The following DNAH17 variants were observed in gnomAD, a reference collection of about 807,000 sequenced individuals.
DNAH17 encodes axonemal beta dynein heavy chain 17.
DNAH17 carries 376 observed loss-of-function variants against 485.6 expected under a neutral mutation model. The ratio of observed to expected loss-of-function variants is 0.77; its 90% CI spans 0.71 to 0.84. DNAH17 has a LOEUF of 0.84. DNAH17 is among the 40% of genes least tolerant of loss of function. The pLI, the probability that DNAH17 is intolerant of heterozygous loss-of-function variation, is 0.00. For synonymous variants in DNAH17, 3,031 were observed against 2,405.9 expected (o/e 1.26, Z -7.60); for missense variants, 6,370 against 5,839.3 (o/e 1.09, Z -2.96).
chr17:78,570,019 T>TC (rs1425925110), intron 7 of DNAH17, among the ~76,000 whole-genome samples: 4 of 152,154 alleles, frequency 2.6e-5, no homozygotes, highest in Admixed American at 6.5e-5. Flanking sequence ...GCAGACCTCC[T>TC]CCTCTGTCCC....
intron 35 of DNAH17, 110 bp from the exon 36 acceptor site, chr17:78,500,571 C>A (rs1364587006): frequency 1.7e-6 from 2 of 1,157,756 alleles, no homozygotes; most frequent in East Asian, 5.7e-5. Flanking sequence ...TGCAGTGGTA[C>A]AATCTTGGCT....
intron 27 of DNAH17, among the ~76,000 whole-genome samples, chr17:78,508,190 T>C (rs910621750): frequency 2.6e-5 from 4 of 152,134 alleles, no homozygotes; most frequent in African/African-American, 7.2e-5. Context: ...TCAGAGGCAC[T>C]TGAAGGGCAG....
chr17:78,425,629 G>C, intron 79 of DNAH17, 58 bp from the exon 80 acceptor site: 1 of 1,469,630 alleles, frequency 6.8e-7, no homozygotes, highest in African/African-American at 1.4e-5. Flanking sequence ...GGGAACGACC[G>C]GGCCTTGGCC....
intron 11 of DNAH17, among the ~76,000 whole-genome samples, chr17:78,565,353 G>C (rs557722332): frequency 6.6e-6 from 1 of 152,182 alleles, no homozygotes; most frequent in Non-Finnish European, 1.5e-5. Flanking sequence ...ACACCAACTC[G>C]ATCCAAGACT....
chr17:78,500,196 A>T, intron 36 of DNAH17, 109 bp downstream of exon 36: 1 of 1,251,140 alleles, frequency 8.0e-7, no homozygotes, highest in Non-Finnish European at 1.1e-6. Context: ...TGCCATTCAC[A>T]GGTATCCAGA....
At chr17:78,564,601 G>T (rs759386778) in intron 11 of DNAH17, among the ~76,000 whole-genome samples, 18 of 151,964 alleles carry the variant, frequency 1.2e-4, no homozygotes, top group Non-Finnish European at 2.2e-4. Context: ...TATCCTTCAG[G>T]GGCTCCACGT....
chr17:78,484,907 G>T lies in DNAH17; in HGVS notation c.7610C>A (p.Pro2537Gln). The part of the protein sequence containing the change: ...PEVDKYGTVA[P>Q]HTLIRQHMDH... ...CATGTGCTGCCGGATGAGGGTGTGC[G>T]GGGCCACCGTCCCATACTTGTCCAC... The change falls in exon 48 of 81, where the codon CCG (proline) becomes CAG (glutamine). Residue 2537 changes from proline to glutamine, a missense_variant. Pro to Gln is a moderately conservative substitution (Grantham distance 76). Transcript: ENST00000389840. 1.9e-6 allele frequency: 3 copies of T among 1,592,038 alleles called. No homozygotes were observed. Among genetic ancestry groups the T allele is most frequent in the East Asian group, 2.3e-5 (1 of 43,772 alleles).
chr17:78,429,098 C>T (rs760381333), intron 76 of DNAH17, 23 bp downstream of exon 76: 1 of 1,607,700 alleles, frequency 6.2e-7, no homozygotes. Flanking sequence ...ACGTTGAGCT[C>T]CTGTTTAACT....
rs74001311 is a variant in DNAH17 at position 78,424,414 on chromosome 17, C to T, written c.13142-261G>A. On this transcript the variant is annotated intron_variant, in intron 80 of 80. Coordinates refer to ENST00000389840, the MANE Select transcript of DNAH17 (RefSeq NM_173628.4). ...CATCCGTTTAAATCTGTGGCATTTT[C>T]AGAGCCTCATCTGTCAGCCTTAATG... is the stretch of plus-strand genomic sequence containing the variant. 3,471 of 437,930 alleles carry T rather than the reference C, an allele frequency of 7.9e-3. 80 individuals carry two copies. Among genetic ancestry groups the T allele is most frequent in the African/African-American group, 0.059 (3,064 of 51,714 alleles). 27.1% of individuals were successfully genotyped at this position (437,930 alleles called of 1,614,324 possible).
rs1568272145 is a variant in DNAH17, at chr17:78,570,377, G to C, written c.919-5C>G. On this transcript the variant is annotated splice_region_variant and splice_polypyrimidine_tract_variant and intron_variant, in intron 6 of 80. Coordinates refer to ENST00000389840, the MANE Select transcript of DNAH17 (RefSeq NM_173628.4). ...CTTGGCAATGAAGGTGGGGAGCTGG[G>C]GGGAGACAGGCCCAGGCACACTGGA... is the stretch of plus-strand genomic sequence containing the variant. The C allele has an allele frequency of 6.2e-7, 1 of 1,609,558 alleles. No individual in the cohort carries two copies. Among genetic ancestry groups the C allele is most frequent in the Non-Finnish European group, 8.5e-7 (1 of 1,178,542 alleles).
Position 78,485,038 on chromosome 17 carries a change from A to G in DNAH17, c.7484-5T>C. On this transcript the variant is annotated splice_region_variant and splice_polypyrimidine_tract_variant and intron_variant, in intron 47 of 80. Transcript: ENST00000389840. ...CCAGCGGCTTCTCCAGCACCCCTAGAGAGGGCAGAGGGTCAGCTGCCCGCC... is the reference window on the plus strand; with the variant it reads ...CCAGCGGCTTCTCCAGCACCCCTAGGGAGGGCAGAGGGTCAGCTGCCCGCC... 6.3e-7 allele frequency: 1 copy of G among 1,596,534 alleles called. No individual in the cohort carries two copies. The highest frequency in any genetic ancestry group is 8.5e-7 in the Non-Finnish European group (1 of 1,171,690).
At chr17:78,449,676 C>G (rs925972751) in intron 68 of DNAH17, 92 bp from the exon 69 acceptor site, 1 of 1,319,440 alleles carries the variant, frequency 7.6e-7, no homozygotes, top group African/African-American at 1.5e-5. Context: ...GTGGTGGCCT[C>G]CAGTTTGTTT....
chr17:78,561,747 C>T lies in DNAH17; in HGVS notation c.1803G>A (p.Val601=), dbSNP rs1244406373. 1 of 1,611,112 alleles carries T rather than the reference C, an allele frequency of 6.2e-7. No homozygotes were observed. Among genetic ancestry groups the T allele is most frequent in the South Asian group, 1.1e-5 (1 of 90,604 alleles). Residue 601 remains valine, a synonymous_variant, in exon 12 of 81, where the codon GTG becomes GTA. Coordinates refer to ENST00000389840, the MANE Select transcript of DNAH17 (RefSeq NM_173628.4). ...WSLELQERLE[V]SMKHLKHVEH... ...CGACGTGCTTCAGGTGTTTCATGGA[C>T]ACCTCTAGCCTCTCCTGCAGCTCCA...
intron 77 of DNAH17, 82 bp downstream of exon 77, chr17:78,428,443 C>A (rs2086556466): frequency 2.0e-6 from 3 of 1,504,066 alleles, no homozygotes. Flanking sequence ...TTCCCCTGTA[C>A]TGCCGCCAGT....
intron 9 of DNAH17, among the ~76,000 whole-genome samples, chr17:78,567,607 C>A (rs1446385892): frequency 1.3e-5 from 2 of 152,132 alleles, no homozygotes; most frequent in Non-Finnish European, 2.9e-5. Context: ...ATGCAGAGTG[C>A]CGTGTCCCGA....
intron 17 of DNAH17, among the ~76,000 whole-genome samples, chr17:78,541,449 G>A (rs1159941607): frequency 6.6e-6 from 1 of 151,424 alleles, no homozygotes; most frequent in Non-Finnish European, 1.5e-5. Flanking sequence ...AAGTGCTATA[G>A]GGAAACTCAA....
Position 78,529,495 on chromosome 17 carries a change from C to T in DNAH17, c.3484G>A (p.Glu1162Lys), listed in dbSNP as rs367910003. ...ACCTGCAGCTTCAAGTGGATCTCCT[C>T]TGGCATCTCCTCCCCGTAGGTCTTG... ...LLKTYGEEMPEEIHLKLQELP... is the reference protein window; with the variant it reads ...LLKTYGEEMPKEIHLKLQELP... Residue 1162 changes from glutamate to lysine, a missense_variant, in exon 22 of 81, where the codon GAG becomes AAG. Glu to Lys is a moderately conservative substitution (Grantham distance 56). Transcript: ENST00000389840. The T allele has an allele frequency of 1.2e-5, 20 of 1,613,968 alleles. No individual in the cohort carries two copies. In the African/African-American group the frequency reaches 1.6e-4, roughly 13 times the overall value.
intron 48 of DNAH17, among the ~76,000 whole-genome samples, chr17:78,482,990 G>A (rs777332719): frequency 6.6e-6 from 1 of 152,204 alleles, no homozygotes; most frequent in Non-Finnish European, 1.5e-5. Flanking sequence ...GGGGCCTCGC[G>A]AGTTGCAGGG....
rs377157983 is a variant in DNAH17, at chr17:78,464,249, C to T, written c.8941-1172G>A. On this transcript the variant is annotated intron_variant, in intron 56 of 80. Transcript: ENST00000389840. The stretch of plus-strand genomic sequence containing the variant: ...ATTGAGCTCAAACAGTGAACATGGG[C>T]GCCATCTTTCACTGTTTTTTGTTTT... Among the ~76,000 whole-genome samples, 33 of 152,208 alleles carry T rather than the reference C, an allele frequency of 2.2e-4. No homozygotes were observed. The South Asian group carries it at 3.7e-3, about 17-fold the overall frequency.
Sources: gnomAD v4.1 joint callset for allele counts (sites outside exome capture counted in the v4.1 genomes callset) on GRCh38, gnomAD v4.1.1 for gene constraint, MANE v1.5 for transcripts, NCBI Gene and HGNC (gene_info 2026-07-23, HGNC 2026-07-21) for gene names.